The following RBM19 variants were observed in gnomAD, a reference collection of about 807,000 sequenced individuals.
The protein encoded by RBM19 is probable RNA-binding protein 19.
In RBM19, 94 loss-of-function variants were observed where a neutral mutation model predicts 116.8. The observed-to-expected ratio is 0.80, with a 90% CI of 0.68 to 0.95. The LOEUF (loss-of-function observed/expected upper bound fraction) is 0.95, where lower values mean the gene tolerates loss of function less well. Ranked by LOEUF, RBM19 falls within the 40% of genes least tolerant of loss-of-function variation. The pLI, the probability that RBM19 is intolerant of heterozygous loss-of-function variation, is 0.00. For missense variants in RBM19, 1,161 were observed against 1,220.7 expected, an observed-to-expected ratio of 0.95 and a Z score of 0.73; for synonymous variants, 475 against 494.1, an observed-to-expected ratio of 0.96 and a Z score of 0.51.
At chr12:113,931,446 C>A (rs1057065632) in intron 16 of RBM19, among the ~76,000 whole-genome samples, 1 of 152,134 alleles carries the variant, frequency 6.6e-6, no homozygotes, top group Non-Finnish European at 1.5e-5. Flanking sequence ...TCCTCATACA[C>A]CTGCGCTTTG....
At chr12:113,829,003 C>CTTT (rs5801007) in intron 23 of RBM19, among the ~76,000 whole-genome samples, 85 of 146,160 alleles carry the variant, frequency 5.8e-4, no homozygotes, top group Non-Finnish European at 7.8e-4. Flanking sequence ...AGGGCTGTGC[C>CTTT]TTTTTTTTTT....
chr12:113,918,539 G>T, intron 19 of RBM19, 92 bp from the exon 20 acceptor site: 3 of 1,366,306 alleles, frequency 2.2e-6, no homozygotes, highest in Non-Finnish European at 3.1e-6. Flanking sequence ...CTGGCTCGCA[G>T]ATGGGAGCCT....
intron 22 of RBM19, among the ~76,000 whole-genome samples, chr12:113,852,681 G>A (rs1413567143): frequency 6.6e-6 from 1 of 152,192 alleles, no homozygotes; most frequent in Non-Finnish European, 1.5e-5. Context: ...TAAATGCTTT[G>A]CATGCAACAT....
At chr12:113,878,672 C>CACA (rs1879849971) in intron 21 of RBM19, among the ~76,000 whole-genome samples, 1 of 142,936 alleles carries the variant, frequency 7.0e-6, no homozygotes, top group African/African-American at 2.9e-5. Flanking sequence ...CACACACACA[C>CACA]CCTCACTCAG....
At chr12:113,832,947 G>C (rs1277681783) in intron 23 of RBM19, among the ~76,000 whole-genome samples, 1 of 152,134 alleles carries the variant, frequency 6.6e-6, no homozygotes, top group Non-Finnish European at 1.5e-5. Context: ...TCCTGTGAAT[G>C]ATTAAGTTAT....
At chr12:113,961,368 ATC>A (rs1872483933) in intron 2 of RBM19, among the ~76,000 whole-genome samples, 1 of 152,144 alleles carries the variant, frequency 6.6e-6, no homozygotes, top group African/African-American at 2.4e-5. Context: ...TAGGCTTGTT[ATC>A]TCTATAATAA....
At chr12:113,927,008 G>T in intron 17 of RBM19, 46 bp downstream of exon 17, 4 of 1,579,082 alleles carry the variant, frequency 2.5e-6, no homozygotes, top group Non-Finnish European at 3.4e-6. Flanking sequence ...GTAGACTGGG[G>T]TTTCCCATCC....
chr12:113,899,668 G>C (rs1881556153), intron 21 of RBM19, among the ~76,000 whole-genome samples: 1 of 152,118 alleles, frequency 6.6e-6, no homozygotes, highest in Non-Finnish European at 1.5e-5. Context: ...GTAAATATTT[G>C]CTAAACCGAC....
At chr12:113,914,652 G>C (rs1319111209) in intron 21 of RBM19, among the ~76,000 whole-genome samples, 3 of 152,226 alleles carry the variant, frequency 2.0e-5, no homozygotes, top group African/African-American at 7.2e-5. Context: ...ATCATGGGTA[G>C]GGCTGGGTTT....
Position 113,927,091 on chromosome 12 carries a change from T to C in RBM19, c.2207A>G (p.Asn736Ser), listed in dbSNP as rs1372343295. 1 of 1,613,470 alleles carries C rather than the reference T, an allele frequency of 6.2e-7. No individual in the cohort carries two copies. Among genetic ancestry groups the C allele is most frequent in the African/African-American group, 1.3e-5 (1 of 74,946 alleles). ...CTCTTCTGTTGTGTCAAAATTGAGATTCTTAATAAACAGAGTACATCCTGG... is the reference window on the plus strand; with the variant it reads ...CTCTTCTGTTGTGTCAAAATTGAGACTCTTAATAAACAGAGTACATCCTGG... ...SLPGCTLFIK[N>S]LNFDTTEEKL... Residue 736 changes from asparagine (N) to serine (S), a missense_variant, in exon 17 of 24, where the codon AAT becomes AGT. Coordinates refer to ENST00000261741, the MANE Select transcript of RBM19 (RefSeq NM_016196.4).
intron 4 of RBM19, 148 bp from the exon 5 acceptor site, chr12:113,959,552 G>A (rs534544761): frequency 5.2e-5 from 51 of 972,070 alleles, no homozygotes; most frequent in Admixed American, 2.2e-4. Context: ...GGAGGACCCC[G>A]AGGTTCAGCT....
At chr12:113,937,709 A>C (rs11066831) in intron 15 of RBM19, among the ~76,000 whole-genome samples, 23,721 of 148,576 alleles carry the variant, frequency 0.16, 2,514 homozygotes, top group African/African-American at 0.3. Flanking sequence ...TTGAGGCTGC[A>C]GTGAGCTAGG....
chr12:113,833,684 TG>T (rs1365167127), intron 23 of RBM19, among the ~76,000 whole-genome samples: 1 of 152,216 alleles, frequency 6.6e-6, no homozygotes, highest in Non-Finnish European at 1.5e-5. Flanking sequence ...CCATCATATT[TG>T]GAATCGCTCC....
intron 21 of RBM19, among the ~76,000 whole-genome samples, chr12:113,880,642 C>G (rs1314046370): frequency 6.6e-6 from 1 of 152,178 alleles, no homozygotes; most frequent in African/African-American, 2.4e-5. Context: ...TCTCTGCTAG[C>G]CTCCCGTCAG....
chr12:113,893,896 C>T (rs149095362), intron 21 of RBM19, among the ~76,000 whole-genome samples: 77 of 152,288 alleles, frequency 5.1e-4, no homozygotes, highest in African/African-American at 1.8e-3. Context: ...TACTGGACAG[C>T]GTAGATGGAG....
chr12:113,826,028 G>A (rs779016791), intron 23 of RBM19, among the ~76,000 whole-genome samples: 1 of 152,140 alleles, frequency 6.6e-6, no homozygotes, highest in Non-Finnish European at 1.5e-5. Flanking sequence ...TCAGGCACTC[G>A]GGCCCCTTGC....
At position 113,946,404 on chromosome 12, in the gene RBM19, C is replaced by T. The variant is rs148808322; in HGVS notation, c.1479G>A (p.Ser493=). Residue 493 remains serine, a synonymous_variant, in exon 12 of 24, where the codon TCG becomes TCA. Transcript: ENST00000261741. ...CCTCCTTCTTCTTCTTGTAGGACGA[C>T]GATCCCAGGGCACTGGCATCCTCGC... is the stretch of plus-strand genomic sequence containing the variant. The part of the protein sequence containing the change: ...EASEDASALG[S]SSYKKKKEAQ... 134 of 1,613,982 alleles carry T rather than the reference C, an allele frequency of 8.3e-5. No individual in the cohort carries two copies. Among genetic ancestry groups the T allele is most frequent in the South Asian group, 2.2e-4 (20 of 91,076 alleles).
At chr12:113,914,901 C>T in intron 21 of RBM19, 68 bp downstream of exon 21, 2 of 1,396,930 alleles carry the variant, frequency 1.4e-6, no homozygotes, top group Non-Finnish European at 2.0e-6. Flanking sequence ...CAAAGGCCAT[C>T]TTCCCTGAGA....
chr12:113,859,033 CAT>C (rs1878153337), intron 21 of RBM19, 137 bp from the exon 22 acceptor site: 2 of 731,526 alleles, frequency 2.7e-6, no homozygotes, highest in Non-Finnish European at 4.6e-6. Flanking sequence ...CACGCTCACA[CAT>C]GTCAGCTCAG....
Sources: gnomAD v4.1 joint callset for allele counts (sites outside exome capture counted in the v4.1 genomes callset) on GRCh38, gnomAD v4.1.1 for gene constraint, MANE v1.5 for transcripts, NCBI Gene and HGNC (gene_info 2026-07-23, HGNC 2026-07-21) for gene names.